OCA2: variants seen among roughly 807,000 people sequenced by gnomAD.
OCA2 encodes P protein.
OCA2 carries 77 observed loss-of-function variants against 100.2 expected under a neutral mutation model. The ratio of observed to expected loss-of-function variants is 0.77; its 90% CI spans 0.64 to 0.93. The LOEUF (loss-of-function observed/expected upper bound fraction) is 0.93. OCA2 is among the 40% of genes least tolerant of loss of function. OCA2 has a pLI of 0.00. For missense variants in OCA2, 1,062 were observed against 1,089.1 expected (o/e 0.98, Z 0.35); for synonymous variants, 432 against 439.2 (o/e 0.98, Z 0.21).
At chr15:27,972,444 G>A (rs1167180922) in intron 14 of OCA2, among the ~76,000 whole-genome samples, 2 of 152,182 alleles carry the variant, frequency 1.3e-5, no homozygotes, top group African/African-American at 4.8e-5. Context: ...CATAAGGGTT[G>A]TATTAATTTA....
chr15:27,740,186 T>C, the OCA2 span, among the ~76,000 whole-genome samples: 4 of 151,952 alleles, frequency 2.6e-5, no homozygotes, highest in Admixed American at 2.0e-4. Context: ...TTCAGAAATG[T>C]TGTTTAGAAT....
chr15:28,061,845 C>T (rs2141670873), intron 2 of OCA2, among the ~76,000 whole-genome samples: 1 of 152,296 alleles, frequency 6.6e-6, no homozygotes, highest in African/African-American at 2.4e-5. Context: ...TTATATCTGG[C>T]TTCTTTCACT....
chr15:27,885,286 A>G (rs2037179822), intron 19 of OCA2, among the ~76,000 whole-genome samples: 1 of 152,190 alleles, frequency 6.6e-6, no homozygotes, highest in African/African-American at 2.4e-5. Flanking sequence ...TATCCTGCCT[A>G]TTATCAGCAC....
chr15:27,733,686 G>A, the OCA2 span, among the ~76,000 whole-genome samples: 3 of 152,114 alleles, frequency 2.0e-5, no homozygotes, highest in African/African-American at 7.2e-5. Context: ...TGCGTGATAT[G>A]CAGTAGGTGT....
intron 2 of OCA2, among the ~76,000 whole-genome samples, chr15:28,072,125 T>A (rs6497258): frequency 6.6e-6 from 1 of 152,158 alleles, no homozygotes; most frequent in South Asian, 2.1e-4. Flanking sequence ...CCCAGCACTT[T>A]GGGAGGCCGA....
At chr15:27,773,087 T>C (rs1435861414) in intron 23 of OCA2, among the ~76,000 whole-genome samples, 1 of 152,226 alleles carries the variant, frequency 6.6e-6, no homozygotes, top group African/African-American at 2.4e-5. Context: ...TCTATAATTC[T>C]ACCTTTTCAA....
chr15:27,737,275 CAGGT>C, the OCA2 span, among the ~76,000 whole-genome samples: 4 of 152,014 alleles, frequency 2.6e-5, no homozygotes, highest in Non-Finnish European at 4.4e-5. Context: ...AAAATCATAG[CAGGT>C]AGGTTTATAG....
chr15:27,832,039 C>T (rs961383582), intron 23 of OCA2, among the ~76,000 whole-genome samples: 1 of 152,022 alleles, frequency 6.6e-6, no homozygotes, highest in African/African-American at 2.4e-5. Context: ...TCCTGCCAGA[C>T]CTCTATGCTT....
the OCA2 span, among the ~76,000 whole-genome samples, chr15:27,745,260 T>C: frequency 6.6e-6 from 1 of 152,178 alleles, no homozygotes; most frequent in East Asian, 1.9e-4. Context: ...CGTGTGTGTA[T>C]GTATATAGGA....
chr15:27,831,686 C>A (rs557942149), intron 23 of OCA2, among the ~76,000 whole-genome samples: 1 of 152,264 alleles, frequency 6.6e-6, no homozygotes, highest in Admixed American at 6.5e-5. Context: ...TGCCTGCAGC[C>A]GTTCTCTATC....
chr15:27,880,209 A>G (rs1220495690), intron 19 of OCA2, among the ~76,000 whole-genome samples: 1 of 152,096 alleles, frequency 6.6e-6, no homozygotes, highest in African/African-American at 2.4e-5. Context: ...CCATTGGTCT[A>G]TGTGTCTGTT....
chr15:27,780,251 G>C (rs1402323456), intron 23 of OCA2, among the ~76,000 whole-genome samples: 1 of 152,186 alleles, frequency 6.6e-6, no homozygotes, highest in African/African-American at 2.4e-5. Flanking sequence ...TCGGGCTTCT[G>C]TCCAGACTGA....
chr15:27,793,262 A>T (rs1293083954), intron 23 of OCA2, among the ~76,000 whole-genome samples: 1 of 152,210 alleles, frequency 6.6e-6, no homozygotes, highest in Non-Finnish European at 1.5e-5. Context: ...TATAAAGCTG[A>T]TAGCAAGCTA....
At chr15:27,821,165 G>A (rs1373712120) in intron 23 of OCA2, among the ~76,000 whole-genome samples, 1 of 152,062 alleles carries the variant, frequency 6.6e-6, no homozygotes, top group Non-Finnish European at 1.5e-5. Flanking sequence ...AACAACACGA[G>A]AAAAGCACCA....
At chr15:27,727,193 A>G in the OCA2 span, among the ~76,000 whole-genome samples, 2 of 152,174 alleles carry the variant, frequency 1.3e-5, no homozygotes, top group African/African-American at 4.8e-5. Context: ...CTGAAGAGAG[A>G]ATTGAGCTCA....
Position 27,884,367 on chromosome 15 carries a change from C to T in OCA2, c.2080-12445G>A, listed in dbSNP as rs2037142134. Among the ~76,000 whole-genome samples, 6 of 152,030 alleles carry T rather than the reference C, an allele frequency of 3.9e-5. No individual in the cohort carries two copies. The South Asian group carries it at 1.3e-3, about 32-fold the overall frequency. ...TCCAGCCTCAGTGACAGGGTGAGACCCTGTTTCAAAATAAATAAATAAGTA... is the reference window on the plus strand; with the variant it reads ...TCCAGCCTCAGTGACAGGGTGAGACTCTGTTTCAAAATAAATAAATAAGTA... On this transcript the variant is annotated intron_variant, in intron 19 of 23. Transcript: ENST00000354638.
chr15:27,972,895 T>C (rs2040850327), intron 14 of OCA2, among the ~76,000 whole-genome samples: 1 of 148,402 alleles, frequency 6.7e-6, no homozygotes, highest in Non-Finnish European at 1.5e-5. Flanking sequence ...TGACAGAGTC[T>C]CTCTTTCTCA....
the OCA2 span, among the ~76,000 whole-genome samples, chr15:27,722,209 C>T: frequency 6.6e-6 from 1 of 152,180 alleles, no homozygotes; most frequent in African/African-American, 2.4e-5. Flanking sequence ...ACGCTTAGAC[C>T]GGGTCGTGTA....
At chr15:27,936,351 G>GC (rs1393477173) in intron 18 of OCA2, among the ~76,000 whole-genome samples, 1 of 152,176 alleles carries the variant, frequency 6.6e-6, no homozygotes, top group Non-Finnish European at 1.5e-5. Flanking sequence ...ATAGCACCAT[G>GC]CATCAGGCAG....
Sources: allele counts gnomAD v4.1 joint callset (sites outside exome capture counted in the v4.1 genomes callset), GRCh38; gene constraint gnomAD v4.1.1; transcripts MANE v1.5; gene names NCBI Gene and HGNC (gene_info 2026-07-23, HGNC 2026-07-21).